Variants in FREM1 observed in about 807,000 individuals in gnomAD.
FREM1 encodes FRAS1 related extracellular matrix 1.
FREM1 carries 220 observed loss-of-function variants against 210.1 expected under a neutral mutation model. The ratio of observed to expected loss-of-function variants is 1.05; its 90% CI spans 0.94 to 1.17. FREM1 has a LOEUF of 1.17. Among genes scored for constraint, FREM1 ranks in the 50% most tolerant of loss-of-function variants. The probability of loss-of-function intolerance (pLI) is 0.00; values close to 1 mark genes in which losing one functional copy is unlikely to be tolerated. For missense variants in FREM1, 3,454 were observed against 2,675.5 expected, an observed-to-expected ratio of 1.29 and a Z score of -6.42; for synonymous variants, 1,189 against 980.2, an observed-to-expected ratio of 1.21 and a Z score of -3.98.
intron 1 of FREM1, among the ~76,000 whole-genome samples, chr9:14,901,075 A>G (rs1007421701): frequency 4.6e-5 from 7 of 152,232 alleles, no homozygotes; most frequent in African/African-American, 1.7e-4. Context: ...AAAGACAAAG[A>G]TAAGTCTATA....
rs117308818 is a variant in FREM1 at position 14,772,556 on chromosome 9, C to G, written c.4858-1750G>C. On this transcript the variant is annotated intron_variant, in intron 25 of 36. Coordinates refer to ENST00000380880, the MANE Select transcript of FREM1 (RefSeq NM_001379081.2). Reference sequence around the variant, plus strand: ...ATAGGTTTTTGAGTGGTATGGTTGTCAAGAATTTTTTTTCTTGTAGTTTAT... The same window carrying G: ...ATAGGTTTTTGAGTGGTATGGTTGTGAAGAATTTTTTTTCTTGTAGTTTAT... 1.6e-3 allele frequency among the ~76,000 whole-genome samples: 237 copies of G among 152,218 alleles called. 5 individuals carry two copies. In the East Asian group the frequency reaches 0.038, roughly 24 times the overall value.
At position 14,770,299 on chromosome 9, in the gene FREM1, A is replaced by C. The variant is rs1587845148; in HGVS notation, c.5059+306T>G. Among the ~76,000 whole-genome samples the C allele has an allele frequency of 2.6e-5, 4 of 152,350 alleles. No individual in the cohort carries two copies. The East Asian group carries it at 7.7e-4, about 29-fold the overall frequency. On this transcript the variant is annotated intron_variant, in intron 26 of 36. Coordinates refer to ENST00000380880, the MANE Select transcript of FREM1 (RefSeq NM_001379081.2). ...TTTAGAATTCATGACAGAATAAAAA[A>C]TTAGTCACAAATAGGAAATTTGGTC...
chr9:14,742,145 A>G (rs559291394), intron 35 of FREM1, among the ~76,000 whole-genome samples: 12 of 152,334 alleles, frequency 7.9e-5, no homozygotes, highest in African/African-American at 2.4e-4. Context: ...ATAGGTGTAT[A>G]TATGGATATA....
rs574482574 is a variant in FREM1 at position 14,880,621 on chromosome 9, A to T, written c.-267-11377T>A. On this transcript the variant is annotated intron_variant, in intron 1 of 36. Coordinates refer to ENST00000380880, the MANE Select transcript of FREM1 (RefSeq NM_001379081.2). The stretch of plus-strand genomic sequence containing the variant: ...TGTCTCAAAAAAAAAAAAAAAAAAA[A>T]GTACAAAAATTACATATGAGATTCA... Among the ~76,000 whole-genome samples the T allele has an allele frequency of 8.9e-3, 1,315 of 148,342 alleles. 21 individuals are homozygous for T. Among genetic ancestry groups the T allele is most frequent in the African/African-American group, 0.031 (1,236 of 39,912 alleles).
intron 1 of FREM1, among the ~76,000 whole-genome samples, chr9:14,901,614 A>G (rs1482915106): frequency 6.6e-6 from 1 of 151,550 alleles, no homozygotes; most frequent in Admixed American, 6.6e-5. Context: ...GGACAGTATG[A>G]TAGTAATGCA....
intron 1 of FREM1, among the ~76,000 whole-genome samples, chr9:14,888,319 C>T (rs1386769591): frequency 9.9e-5 from 15 of 152,154 alleles, no homozygotes; most frequent in Admixed American, 9.8e-4. Flanking sequence ...AACCCTTGCC[C>T]TTAACCACTA....
chr9:14,861,286 CAT>C (rs200458494), intron 3 of FREM1, among the ~76,000 whole-genome samples: 1 of 93,592 alleles, frequency 1.1e-5, no homozygotes, highest in Admixed American at 1.2e-4. Context: ...TACATATATA[CAT>C]ATATACATAT....
chr9:14,849,418 A>G (rs1172591303), intron 6 of FREM1, among the ~76,000 whole-genome samples: 1 of 152,230 alleles, frequency 6.6e-6, no homozygotes, highest in Non-Finnish European at 1.5e-5. Flanking sequence ...ATAAGTAAGT[A>G]GGGGCTGCGT....
At chr9:14,747,778 C>G (rs1442116174) in intron 31 of FREM1, 50 bp from the exon 32 acceptor site, 7 of 1,116,234 alleles carry the variant, frequency 6.3e-6, no homozygotes, top group Non-Finnish European at 9.0e-6. Context: ...TGACTAATAA[C>G]TAGCAATAGG....
intron 1 of FREM1, among the ~76,000 whole-genome samples, chr9:14,902,441 T>C (rs1436256564): frequency 1.3e-5 from 2 of 152,222 alleles, no homozygotes; most frequent in African/African-American, 4.8e-5. Flanking sequence ...AGCCTGTGAT[T>C]TCCATGCGCT....
chr9:14,886,479 C>T lies in FREM1; in HGVS notation c.-267-17235G>A, dbSNP rs113788908. 5.9e-3 allele frequency among the ~76,000 whole-genome samples: 893 copies of T among 151,746 alleles called. 14 individuals are homozygous for T. Among genetic ancestry groups the T allele is most frequent in the African/African-American group, 0.02 (845 of 41,366 alleles). ...GAAAATAGCCACTTCAGGATGAACCCACCCAAACGGAAGAGATTTTTGAAA... is the reference window on the plus strand; with the variant it reads ...GAAAATAGCCACTTCAGGATGAACCTACCCAAACGGAAGAGATTTTTGAAA... On this transcript the variant is annotated intron_variant, in intron 1 of 36. Coordinates refer to ENST00000380880, the MANE Select transcript of FREM1 (RefSeq NM_001379081.2).
intron 36 of FREM1, among the ~76,000 whole-genome samples, chr9:14,739,818 T>C (rs994714983): frequency 6.6e-6 from 1 of 152,050 alleles, no homozygotes; most frequent in Non-Finnish European, 1.5e-5. Context: ...TATTCCTTCA[T>C]GTGGCTGTAC....
chr9:14,747,906 T>A (rs1030697701), intron 31 of FREM1, among the ~76,000 whole-genome samples, 178 bp from the exon 32 acceptor site: 7 of 152,198 alleles, frequency 4.6e-5, no homozygotes, highest in Admixed American at 2.0e-4. Flanking sequence ...TAATCAGAAT[T>A]TATGATTGTT....
chr9:14,749,414 G>C (rs746738603), intron 30 of FREM1, among the ~76,000 whole-genome samples: 3 of 151,910 alleles, frequency 2.0e-5, no homozygotes, highest in African/African-American at 4.8e-5. Context: ...ATAGATTCCA[G>C]GCAAGAAAAA....
chr9:14,792,447 G>A (rs531274881), intron 22 of FREM1, among the ~76,000 whole-genome samples: 2 of 152,104 alleles, frequency 1.3e-5, no homozygotes, highest in Non-Finnish European at 2.9e-5. Flanking sequence ...AAAGATCCTG[G>A]ATTATCCTCA....
chr9:14,787,506 C>G (rs566285025), intron 23 of FREM1, among the ~76,000 whole-genome samples: 128 of 152,152 alleles, frequency 8.4e-4, no homozygotes, highest in Non-Finnish European at 1.5e-3. Flanking sequence ...TATTGCCCAG[C>G]CTCTCTTAAT....
intron 1 of FREM1, among the ~76,000 whole-genome samples, chr9:14,883,707 C>T (rs62537692): frequency 0.11 from 16,834 of 152,236 alleles, 1,119 homozygotes; most frequent in East Asian, 0.24. Flanking sequence ...TGACAGCCAA[C>T]TTCTACATGA....
intron 8 of FREM1, among the ~76,000 whole-genome samples, chr9:14,843,619 A>C (rs1826076859): frequency 6.6e-6 from 1 of 152,176 alleles, no homozygotes; most frequent in Admixed American, 6.5e-5. Context: ...AATCCACAGC[A>C]AGAATGAGAG....
At chr9:14,749,946 A>T (rs1310477326) in intron 30 of FREM1, among the ~76,000 whole-genome samples, 181 bp downstream of exon 30, 2 of 152,202 alleles carry the variant, frequency 1.3e-5, no homozygotes, top group Non-Finnish European at 2.9e-5. Flanking sequence ...CGTACTTAGC[A>T]GGAGGAAAAC....
Sources: gnomAD v4.1 joint callset for allele counts (sites outside exome capture counted in the v4.1 genomes callset) on GRCh38, gnomAD v4.1.1 for gene constraint, MANE v1.5 for transcripts, NCBI Gene and HGNC (gene_info 2026-07-23, HGNC 2026-07-21) for gene names.